Variants in OR5B12 observed in about 807,000 individuals in gnomAD.
OR5B12 encodes olfactory receptor 5B12.
For missense variants in OR5B12, 418 were observed against 377.0 expected (o/e 1.11, Z -0.90); for synonymous variants, 154 against 138.0 (o/e 1.12, Z -0.81).
At position 58,439,385 on chromosome 11, in the gene OR5B12, A is replaced by C; in HGVS notation, c.767T>G (p.Met256Arg). ...VSIFYGTGIFMYLRPNSSHFM... is the reference protein window; with the variant it reads ...VSIFYGTGIFRYLRPNSSHFM... ...ATGGCTGGAGTTAGGTCGTAAGTAC[A>C]TAAAGATTCCTGTCCCATAAAAGAT... The change falls in exon 2 of 2, where the codon ATG (methionine) becomes AGG (arginine). Residue 256 changes from methionine to arginine, a missense_variant. Physicochemically the swap from Met to Arg is moderately conservative, Grantham distance 91. Coordinates refer to ENST00000641921, the MANE Select transcript of OR5B12 (RefSeq NM_001004733.3). 1 of 1,614,138 alleles carries C rather than the reference A, an allele frequency of 6.2e-7. No individual in the cohort carries two copies. Among genetic ancestry groups the C allele is most frequent in the East Asian group, 2.2e-5 (1 of 44,872 alleles).
Position 58,439,913 on chromosome 11 carries a change from A to G in OR5B12, c.239T>C (p.Met80Thr), listed in dbSNP as rs748173680. Reference protein sequence around the residue: ...GYSSAVTPKVMVGFLTGDKFI... With the variant: ...GYSSAVTPKVTVGFLTGDKFI... ...TTTGTCTCCTGTGAGAAACCCCACC[A>G]TCACCTTGGGAGTGACAGCTGAGGA... The change falls in exon 2 of 2, where the codon ATG becomes ACG. Residue 80 changes from methionine (M) to threonine (T), a missense_variant. Coordinates refer to ENST00000641921, the MANE Select transcript of OR5B12 (RefSeq NM_001004733.3). 3 of 1,614,118 alleles carry G rather than the reference A, an allele frequency of 1.9e-6. No individual in the cohort carries two copies. The highest frequency in any genetic ancestry group is 4.5e-5 in the East Asian group (2 of 44,886).
rs1312477760 is a variant in OR5B12, at chr11:58,439,586, T to C, written c.566A>G (p.Asp189Gly). The stretch of plus-strand genomic sequence containing the variant: ...AATAACCATCTCACTGATGTAGTTG[T>C]CTGAACATGAGAGAGTCAAGAGAGG... ...APPLLTLSCS[D>G]NYISEMVIFF... Residue 189 changes from aspartate to glycine, a missense_variant, in exon 2 of 2, where the codon GAC becomes GGC. Asp to Gly is a moderately conservative substitution (Grantham distance 94). Coordinates refer to ENST00000641921, the MANE Select transcript of OR5B12 (RefSeq NM_001004733.3). The C allele has an allele frequency of 4.3e-6, 7 of 1,613,938 alleles. No individual in the cohort carries two copies. Among genetic ancestry groups the C allele is most frequent in the Non-Finnish European group, 5.9e-6 (7 of 1,179,964 alleles).
Position 58,439,087 on chromosome 11 carries a change from A to T in OR5B12, c.*120T>A. 3 of 507,478 alleles carry T rather than the reference A, an allele frequency of 5.9e-6. No individual in the cohort carries two copies. The highest frequency in any genetic ancestry group is 1.1e-5 in the Non-Finnish European group (3 of 284,838). 31.4% of individuals were successfully genotyped at this position (507,478 alleles called of 1,614,324 possible). A position where few individuals can be genotyped will look rare whatever the true frequency, so the allele number is the denominator to read the frequency against. ...TTAAAGAATGAAGAAAGTATGGCCA[A>T]TTCATATGTTTAAGAAAACAGTCAA... On this transcript the variant is annotated 3_prime_UTR_variant, in exon 2 of 2. Coordinates refer to ENST00000641921, the MANE Select transcript of OR5B12 (RefSeq NM_001004733.3).
rs530654758 is a variant in OR5B12 at position 58,439,823 on chromosome 11, C to A, written c.329G>T (p.Ser110Ile). 15 of 1,614,160 alleles carry A rather than the reference C, an allele frequency of 9.3e-6. No individual in the cohort carries two copies. The highest frequency in any genetic ancestry group is 5.0e-5 in the Admixed American group (3 of 60,008). Residue 110 changes from serine to isoleucine, a missense_variant, in exon 2 of 2, where the codon AGT becomes ATT. By Grantham distance (142) the Ser-to-Ile change is moderately radical. Transcript: ENST00000641921. ...FFFVAFITAE[S>I]FLLASMAYDR... Reference sequence around the variant, plus strand: ...ATAGGCCATTGATGCCAGGAGGAAACTTTCTGCAGTGATAAAGGCTACAAA... The same window carrying A: ...ATAGGCCATTGATGCCAGGAGGAAAATTTCTGCAGTGATAAAGGCTACAAA...
chr11:58,439,701 A>G lies in OR5B12; in HGVS notation c.451T>C (p.Phe151Leu). 6.2e-7 allele frequency: 1 copy of G among 1,614,148 alleles called. No individual in the cohort carries two copies. The highest frequency in any genetic ancestry group is 1.3e-5 in the African/African-American group (1 of 75,054). The change falls in exon 2 of 2, where the codon TTC becomes CTC. Residue 151 changes from phenylalanine to leucine, a missense_variant. Transcript: ENST00000641921. Reference protein sequence around the residue: ...CLAIGSYICGFLNASIHTGNT... With the variant: ...CLAIGSYICGLLNASIHTGNT... ...CCAGTATGAATGGATGCATTCAGGA[A>G]ACCACAGATGTAGGAGCCTATGGCC...
chr11:58,439,166 T>G lies in OR5B12; in HGVS notation c.*41A>C. 8.7e-7 allele frequency: 1 copy of G among 1,149,784 alleles called. No homozygotes were observed. Among genetic ancestry groups the G allele is most frequent in the Non-Finnish European group, 1.2e-6 (1 of 810,660 alleles). The allele number at this position is 1,149,784 out of a possible 1,614,324, so 71.2% of individuals were successfully genotyped here. A position where few individuals can be genotyped will look rare whatever the true frequency, so the allele number is the denominator to read the frequency against. The stretch of plus-strand genomic sequence containing the variant: ...ATTGGGCTTGGTAGACAAAGATTAA[T>G]ATGAGGTGGAAAAAATTATCTTATT... On this transcript the variant is annotated 3_prime_UTR_variant, in exon 2 of 2. Transcript: ENST00000641921.
Position 58,439,927 on chromosome 11 carries a change from G to T in OR5B12, c.225C>A (p.Val75=). Residue 75 remains valine (V), a synonymous_variant, in exon 2 of 2, where the codon GTC becomes GTA. Coordinates refer to ENST00000641921, the MANE Select transcript of OR5B12 (RefSeq NM_001004733.3). The part of the protein sequence containing the change: ...SLVDFGYSSA[V]TPKVMVGFLT... Reference sequence around the variant, plus strand: ...GAAACCCCACCATCACCTTGGGAGTGACAGCTGAGGAATAACCAAAGTCCA... The same window carrying T: ...GAAACCCCACCATCACCTTGGGAGTTACAGCTGAGGAATAACCAAAGTCCA... 6.2e-7 allele frequency: 1 copy of T among 1,614,076 alleles called. No individual in the cohort carries two copies. Among genetic ancestry groups the T allele is most frequent in the Non-Finnish European group, 8.5e-7 (1 of 1,179,994 alleles).
At position 58,439,371 on chromosome 11, in the gene OR5B12, T is replaced by C; in HGVS notation, c.781A>G (p.Asn261Asp). 1 of 1,614,040 alleles carries C rather than the reference T, an allele frequency of 6.2e-7. No individual in the cohort carries two copies. Among genetic ancestry groups the C allele is most frequent in the Non-Finnish European group, 8.5e-7 (1 of 1,180,010 alleles). Residue 261 changes from asparagine (N) to aspartate (D), a missense_variant, in exon 2 of 2, where the codon AAC becomes GAC. Transcript: ENST00000641921. ...GTGIFMYLRPNSSHFMGTDKM... is the reference protein window; with the variant it reads ...GTGIFMYLRPDSSHFMGTDKM... The stretch of plus-strand genomic sequence containing the variant: ...TCTGTGCCCATGAAATGGCTGGAGT[T>C]AGGTCGTAAGTACATAAAGATTCCT...
rs769478080 is a variant in OR5B12, at chr11:58,439,172, G to T, written c.*35C>A. ...CTTGGTAGACAAAGATTAATATGAG[G>T]TGGAAAAAATTATCTTATTGTGAAT... On this transcript the variant is annotated 3_prime_UTR_variant, in exon 2 of 2. Transcript: ENST00000641921. 1 of 1,224,470 alleles carries T rather than the reference G, an allele frequency of 8.2e-7. No homozygotes were observed. The highest frequency in any genetic ancestry group is 1.1e-6 in the Non-Finnish European group (1 of 876,102). The allele number at this position is 1,224,470 out of a possible 1,614,324, so 75.9% of individuals were successfully genotyped here. A position where few individuals can be genotyped will look rare whatever the true frequency, so the allele number is the denominator to read the frequency against.
chr11:58,442,177 C>T lies in OR5B12; in HGVS notation c.-151G>A, dbSNP rs149483349. 1.3e-5 allele frequency: 2 copies of T among 152,238 alleles called. No homozygotes were observed. The highest frequency in any genetic ancestry group is 3.9e-4 in the East Asian group (2 of 5,184). The allele number at this position is 152,238 out of a possible 1,614,324, so 9.4% of individuals were successfully genotyped here. On this transcript the variant is annotated 5_prime_UTR_variant, in exon 1 of 2. Transcript: ENST00000641921. ...TGTTCTTTAGCGTTTGGCCAAAAGG[C>T]TTAAAGTTCTTTAGAGGCAGGGGGA...
Position 58,439,468 on chromosome 11 carries a change from T to G in OR5B12, c.684A>C (p.Ser228=). Residue 228 remains serine (S), a synonymous_variant, in exon 2 of 2, where the codon TCA becomes TCC. Coordinates refer to ENST00000641921, the MANE Select transcript of OR5B12 (RefSeq NM_001004733.3). ...AAAAGGCCTTCTGGCGTCCTTCAGGTGAGCGCATCTTCATGATGGTGATAA... is the reference window on the plus strand; with the variant it reads ...AAAAGGCCTTCTGGCGTCCTTCAGGGGAGCGCATCTTCATGATGGTGATAA... ...FIFITIMKMR[S]PEGRQKAFST... 6.2e-7 allele frequency: 1 copy of G among 1,614,070 alleles called. No homozygotes were observed. Among genetic ancestry groups the G allele is most frequent in the Non-Finnish European group, 8.5e-7 (1 of 1,179,992 alleles).
chr11:58,439,776 T>C lies in OR5B12; in HGVS notation c.376A>G (p.Lys126Glu). Residue 126 changes from lysine to glutamate, a missense_variant, in exon 2 of 2, where the codon AAA (lysine) becomes GAA (glutamate). Coordinates refer to ENST00000641921, the MANE Select transcript of OR5B12 (RefSeq NM_001004733.3). ...ATGGTGGTGGTGTAATGCAGGGGTT[T>C]ACACAATGCTGCATAGCGGTCATAG... ...MAYDRYAALC[K>E]PLHYTTTMTT... The C allele has an allele frequency of 6.2e-7, 1 of 1,614,182 alleles. No homozygotes were observed. Among genetic ancestry groups the C allele is most frequent in the Non-Finnish European group, 8.5e-7 (1 of 1,180,038 alleles).
At chr11:58,441,581 A>G (rs1173418221) in intron 1 of OR5B12, among the ~76,000 whole-genome samples, 1 of 152,164 alleles carries the variant, frequency 6.6e-6, no homozygotes, top group Non-Finnish European at 1.5e-5. Flanking sequence ...CCAAAAATCC[A>G]AAGTCTAAAA....
Position 58,439,436 on chromosome 11 carries a change from C to G in OR5B12, c.716G>C (p.Cys239Ser). 6.2e-7 allele frequency: 1 copy of G among 1,613,976 alleles called. No homozygotes were observed. The highest frequency in any genetic ancestry group is 8.5e-7 in the Non-Finnish European group (1 of 1,179,990). The change falls in exon 2 of 2, where the codon TGT becomes TCT. Residue 239 changes from cysteine to serine, a missense_variant. Physicochemically the swap from Cys to Ser is moderately radical, Grantham distance 112 (BLOSUM62 -1). Transcript: ENST00000641921. The stretch of plus-strand genomic sequence containing the variant: ...GGAAACTGCAGTAAGGTGGGAAGCA[C>G]AAGTAGAAAAGGCCTTCTGGCGTCC... Reference protein sequence around the residue: ...PEGRQKAFSTCASHLTAVSIF... With the variant: ...PEGRQKAFSTSASHLTAVSIF...
chr11:58,439,766 T>C lies in OR5B12; in HGVS notation c.386A>G (p.His129Arg). 1 of 1,613,292 alleles carries C rather than the reference T, an allele frequency of 6.2e-7. No homozygotes were observed. Among genetic ancestry groups the C allele is most frequent in the Non-Finnish European group, 8.5e-7 (1 of 1,179,154 alleles). The change falls in exon 2 of 2, where the codon CAT becomes CGT. Residue 129 changes from histidine (H) to arginine (R), a missense_variant. Transcript: ENST00000641921. ...DRYAALCKPL[H>R]YTTTMTTNVC... ...ATTTGTTGTCATGGTGGTGGTGTAA[T>C]GCAGGGGTTTACACAATGCTGCATA...
In OR5B12 at chr11:58,439,153, A is replaced by G; in HGVS notation, c.*54T>C. 2.0e-6 allele frequency: 2 copies of G among 1,008,826 alleles called. No homozygotes were observed. Among genetic ancestry groups the G allele is most frequent in the Non-Finnish European group, 2.9e-6 (2 of 692,162 alleles). 62.5% of individuals were successfully genotyped at this position (1,008,826 alleles called of 1,614,324 possible). A position where few individuals can be genotyped will look rare whatever the true frequency, so the allele number is the denominator to read the frequency against. On this transcript the variant is annotated 3_prime_UTR_variant, in exon 2 of 2. Coordinates refer to ENST00000641921, the MANE Select transcript of OR5B12 (RefSeq NM_001004733.3). ...AGGAAGCCCAAATATTGGGCTTGGT[A>G]GACAAAGATTAATATGAGGTGGAAA...
rs761059861 is a variant in OR5B12, at chr11:58,439,184, A to G, written c.*23T>C. 7.4e-7 allele frequency: 1 copy of G among 1,354,128 alleles called. No homozygotes were observed. The highest frequency in any genetic ancestry group is 1.0e-6 in the Non-Finnish European group (1 of 985,564). 83.9% of individuals were successfully genotyped at this position (1,354,128 alleles called of 1,614,324 possible). A position where few individuals can be genotyped will look rare whatever the true frequency, so the allele number is the denominator to read the frequency against. On this transcript the variant is annotated 3_prime_UTR_variant, in exon 2 of 2. Transcript: ENST00000641921. ...AGATTAATATGAGGTGGAAAAAATTATCTTATTGTGAATTCTTTATAATTA... is the reference window on the plus strand; with the variant it reads ...AGATTAATATGAGGTGGAAAAAATTGTCTTATTGTGAATTCTTTATAATTA...
chr11:58,439,202 T>C lies in OR5B12; in HGVS notation c.*5A>G. ...AAAAATTATCTTATTGTGAATTCTT[T>C]ATAATTAAAATATGAATCCTATAGA... On this transcript the variant is annotated 3_prime_UTR_variant, in exon 2 of 2. Coordinates refer to ENST00000641921, the MANE Select transcript of OR5B12 (RefSeq NM_001004733.3). 2 of 1,453,134 alleles carry C rather than the reference T, an allele frequency of 1.4e-6. No individual in the cohort carries two copies. The highest frequency in any genetic ancestry group is 1.9e-6 in the Non-Finnish European group (2 of 1,065,212). The allele number at this position is 1,453,134 out of a possible 1,614,324, so 90.0% of individuals were successfully genotyped here. A position where few individuals can be genotyped will look rare whatever the true frequency, so the allele number is the denominator to read the frequency against.
At position 58,439,504 on chromosome 11, in the gene OR5B12, G is replaced by C; in HGVS notation, c.648C>G (p.Tyr216Ter). The C allele has an allele frequency of 6.2e-7, 1 of 1,613,986 alleles. No individual in the cohort carries two copies. Among genetic ancestry groups the C allele is most frequent in the Non-Finnish European group, 8.5e-7 (1 of 1,179,992 alleles). ...TCATGATGGTGATAAATATAAATAAGTAGGAGATCAAGATTACCAGGATAG... is the reference window on the plus strand; with the variant it reads ...TCATGATGGTGATAAATATAAATAACTAGGAGATCAAGATTACCAGGATAG... ...LFSILVILIS[Y>*]LFIFITIMKM... Residue 216 changes from tyrosine (Y) to a stop codon, truncating the protein, a stop_gained, in exon 2 of 2, where the codon TAC becomes TAG. Coordinates refer to ENST00000641921, the MANE Select transcript of OR5B12 (RefSeq NM_001004733.3). LOFTEE classifies it low-confidence loss of function (END_TRUNC).
Sources: gnomAD v4.1 joint callset for allele counts (sites outside exome capture counted in the v4.1 genomes callset) on GRCh38, gnomAD v4.1.1 for gene constraint, MANE v1.5 for transcripts, NCBI Gene and HGNC (gene_info 2026-07-23, HGNC 2026-07-21) for gene names.